Variants in KLF12 observed in about 807,000 individuals in gnomAD.
The protein encoded by KLF12 is KLF transcription factor 12.
Under a neutral mutation model 37.8 loss-of-function variants are expected in KLF12, and 9 were observed. That is an observed-to-expected ratio of 0.24 (90% CI 0.14 to 0.42). The LOEUF (loss-of-function observed/expected upper bound fraction) is 0.42, where lower values mean the gene tolerates loss of function less well. Ranked by LOEUF, KLF12 falls within the 10% of genes least tolerant of loss-of-function variation. The pLI is 1.00. For missense variants in KLF12, 411 were observed against 516.0 expected (o/e 0.80, Z 1.97); for synonymous variants, 208 against 202.1 (o/e 1.03, Z -0.25).
intron 1 of KLF12, among the ~76,000 whole-genome samples, chr13:74,058,868 T>C (rs1218354683): frequency 3.9e-5 from 6 of 152,198 alleles, no homozygotes. Flanking sequence ...TGCATAATGC[T>C]GGGGTTTGGG....
intron 1 of KLF12, among the ~76,000 whole-genome samples, chr13:74,071,910 A>G (rs1414814091): frequency 6.6e-6 from 1 of 152,196 alleles, no homozygotes; most frequent in Non-Finnish European, 1.5e-5. Context: ...AATTCTCCAC[A>G]TATTAACAGA....
At chr13:73,723,568 C>G (rs1313433608) in intron 6 of KLF12, among the ~76,000 whole-genome samples, 2 of 152,108 alleles carry the variant, frequency 1.3e-5, no homozygotes, top group East Asian at 3.9e-4. Context: ...AGGGTAAGCC[C>G]TGCCCTCCTC....
rs138775176 is a variant in KLF12 at position 74,017,771 on chromosome 13, G to A, written c.-31-22718C>T. Reference sequence around the variant, plus strand: ...CATATATCTAAAGCAAACAGTCTGAGTTGAAAGAAATTGGCCAAGCTGCAG... The same window carrying A: ...CATATATCTAAAGCAAACAGTCTGAATTGAAAGAAATTGGCCAAGCTGCAG... On this transcript the variant is annotated intron_variant, in intron 1 of 7. Coordinates refer to ENST00000377669, the MANE Select transcript of KLF12 (RefSeq NM_007249.5). 1.0e-3 allele frequency among the ~76,000 whole-genome samples: 153 copies of A among 152,180 alleles called. 3 individuals carry two copies. In the East Asian group the frequency reaches 0.018, roughly 18 times the overall value.
intron 3 of KLF12, among the ~76,000 whole-genome samples, chr13:73,855,634 T>C (rs1452194389): frequency 6.6e-6 from 1 of 152,216 alleles, no homozygotes; most frequent in Non-Finnish European, 1.5e-5. Context: ...CTGGGCCGAA[T>C]GGTAGTCCAG....
chr13:74,070,156 G>C (rs1300132222), intron 1 of KLF12, among the ~76,000 whole-genome samples: 1 of 152,174 alleles, frequency 6.6e-6, no homozygotes, highest in Non-Finnish European at 1.5e-5. Context: ...AGAAGGAGAG[G>C]AGACCCATCC....
intron 5 of KLF12, among the ~76,000 whole-genome samples, chr13:73,778,738 C>T (rs920203470): frequency 5.9e-5 from 9 of 152,032 alleles, no homozygotes; most frequent in Admixed American, 1.3e-4. Flanking sequence ...ACTTTGCCAA[C>T]GAGAAACGCA....
the KLF12 span, among the ~76,000 whole-genome samples, chr13:74,202,014 C>G: frequency 6.6e-6 from 1 of 152,120 alleles, no homozygotes; most frequent in Admixed American, 6.6e-5. Context: ...GGCTGTTGTC[C>G]AGCTCTGGTG....
chr13:74,055,961 T>C (rs896965927), intron 1 of KLF12, among the ~76,000 whole-genome samples: 6 of 152,150 alleles, frequency 3.9e-5, no homozygotes, highest in Non-Finnish European at 8.8e-5. Flanking sequence ...GAAAGAAGCA[T>C]TGAGCATGAG....
the KLF12 span, among the ~76,000 whole-genome samples, chr13:74,242,055 T>C: frequency 6.6e-6 from 1 of 152,212 alleles, no homozygotes; most frequent in Non-Finnish European, 1.5e-5. Context: ...ATTTTAAAAG[T>C]TCTGTATTTG....
At chr13:73,714,892 T>C (rs1430789425) in intron 7 of KLF12, among the ~76,000 whole-genome samples, 1 of 152,238 alleles carries the variant, frequency 6.6e-6, no homozygotes, top group Non-Finnish European at 1.5e-5. Context: ...ACTGGAGTTA[T>C]GCCTGAATGT....
chr13:74,090,797 T>C (rs1875607199), intron 1 of KLF12, among the ~76,000 whole-genome samples: 1 of 152,110 alleles, frequency 6.6e-6, no homozygotes, highest in African/African-American at 2.4e-5. Context: ...TAGGTTCTCC[T>C]TTATTCTCTT....
chr13:73,744,822 T>C (rs1234428909), intron 6 of KLF12, among the ~76,000 whole-genome samples: 6 of 152,202 alleles, frequency 3.9e-5, no homozygotes, highest in Admixed American at 3.9e-4. Context: ...AGCATACGCA[T>C]GTCTCTACAT....
At chr13:74,079,566 G>A (rs777898450) in intron 1 of KLF12, among the ~76,000 whole-genome samples, 1 of 152,152 alleles carries the variant, frequency 6.6e-6, no homozygotes, top group South Asian at 2.1e-4. Flanking sequence ...CAGAAATACT[G>A]AGTCCTTTTT....
chr13:73,907,638 A>G (rs1030608390), intron 3 of KLF12, among the ~76,000 whole-genome samples: 4 of 152,196 alleles, frequency 2.6e-5, no homozygotes, highest in Non-Finnish European at 5.9e-5. Context: ...CAGAGTAGTT[A>G]AGTAACTTGA....
At chr13:73,922,821 T>C (rs1202746128) in intron 3 of KLF12, among the ~76,000 whole-genome samples, 1 of 152,130 alleles carries the variant, frequency 6.6e-6, no homozygotes, top group African/African-American at 2.4e-5. Flanking sequence ...ATCAGAAAAA[T>C]ACATGCCAGA....
chr13:74,258,404 G>C, the KLF12 span: 3 of 152,114 alleles, frequency 2.0e-5, no homozygotes, highest in Admixed American at 1.3e-4. Flanking sequence ...TGTTCTGCCT[G>C]TGTGTGTTTT....
At chr13:74,129,016 G>A (rs894329069) in intron 1 of KLF12, among the ~76,000 whole-genome samples, 12 of 151,978 alleles carry the variant, frequency 7.9e-5, no homozygotes, top group African/African-American at 2.7e-4. Flanking sequence ...AGATATATAA[G>A]ATGATGAATA....
chr13:74,168,161 C>T, the KLF12 span, among the ~76,000 whole-genome samples: 1 of 152,248 alleles, frequency 6.6e-6, no homozygotes, highest in Admixed American at 6.5e-5. Context: ...GATCACCCAT[C>T]AAGGCTTTGA....
At chr13:73,979,933 C>A (rs1279172514) in intron 2 of KLF12, among the ~76,000 whole-genome samples, 1 of 151,974 alleles carries the variant, frequency 6.6e-6, no homozygotes, top group Non-Finnish European at 1.5e-5. Flanking sequence ...GACACAAAGA[C>A]ACACAGAAAA....
Sources: gnomAD v4.1 joint callset for allele counts (sites outside exome capture counted in the v4.1 genomes callset) on GRCh38, gnomAD v4.1.1 for gene constraint, MANE v1.5 for transcripts, NCBI Gene and HGNC (gene_info 2026-07-23, HGNC 2026-07-21) for gene names.